The following MANBAL variants were observed in gnomAD, a reference collection of about 807,000 sequenced individuals.
The protein encoded by MANBAL is mannosidase beta like, also known as protein MANBAL.
In MANBAL, 1 loss-of-function variant was observed where a neutral mutation model predicts 6.4. The observed-to-expected ratio is 0.16, with a 90% CI of 0.06 to 0.74. The LOEUF (loss-of-function observed/expected upper bound fraction) is 0.74. MANBAL is among the 30% of genes least tolerant of loss of function. The pLI, the probability that MANBAL is intolerant of heterozygous loss-of-function variation, is 0.78. For synonymous variants in MANBAL, 47 were observed against 45.8 expected, an observed-to-expected ratio of 1.03 and a Z score of -0.10; for missense variants, 100 against 107.8, an observed-to-expected ratio of 0.93 and a Z score of 0.32.
intron 1 of MANBAL, among the ~76,000 whole-genome samples, chr20:37,292,243 A>G (rs2068888018): frequency 6.6e-6 from 1 of 152,090 alleles, no homozygotes; most frequent in Non-Finnish European, 1.5e-5. Flanking sequence ...TCTGTGGGAA[A>G]TTTGTCTGTT....
intron 2 of MANBAL, among the ~76,000 whole-genome samples, chr20:37,315,085 C>T (rs1005535886): frequency 2.6e-5 from 4 of 152,124 alleles, no homozygotes; most frequent in Admixed American, 1.3e-4. Context: ...GTGCTGGGGG[C>T]GGCAGGGTGT....
At chr20:37,300,027 C>T (rs1373970464) in intron 1 of MANBAL, among the ~76,000 whole-genome samples, 1 of 152,208 alleles carries the variant, frequency 6.6e-6, no homozygotes, top group East Asian at 1.9e-4. Flanking sequence ...TCTTGTCTGG[C>T]TTATTGGCAG....
chr20:37,304,641 C>T (rs1177835257), intron 2 of MANBAL, among the ~76,000 whole-genome samples: 2 of 152,100 alleles, frequency 1.3e-5, no homozygotes, highest in African/African-American at 4.8e-5. Context: ...ATCACTGTTC[C>T]TGGAGATGCT....
At chr20:37,303,020 C>G (rs569044565) in intron 2 of MANBAL, among the ~76,000 whole-genome samples, 1 of 152,300 alleles carries the variant, frequency 6.6e-6, no homozygotes, top group Non-Finnish European at 1.5e-5. Flanking sequence ...TCAAGCAATT[C>G]TCCTGCTTCA....
intron 2 of MANBAL, among the ~76,000 whole-genome samples, chr20:37,308,549 T>A (rs765319759): frequency 2.6e-5 from 4 of 152,108 alleles, no homozygotes; most frequent in Non-Finnish European, 4.4e-5. Flanking sequence ...TGGGATAGGT[T>A]TGAGGGGTCT....
intron 2 of MANBAL, among the ~76,000 whole-genome samples, chr20:37,308,500 A>G (rs1364259759): frequency 6.6e-6 from 1 of 152,168 alleles, no homozygotes; most frequent in Non-Finnish European, 1.5e-5. Context: ...AGTAGAAGAA[A>G]GTTCTCAATA....
At chr20:37,316,236 A>G (rs1265011122) in intron 2 of MANBAL, 72 bp from the exon 3 acceptor site, 1 of 1,386,208 alleles carries the variant, frequency 7.2e-7, no homozygotes, top group Non-Finnish European at 1.0e-6. Context: ...CTTTGCTTTC[A>G]GATGTGATCT....
intron 1 of MANBAL, among the ~76,000 whole-genome samples, chr20:37,299,124 A>G (rs547635927): frequency 5.9e-5 from 9 of 152,088 alleles, no homozygotes; most frequent in Non-Finnish European, 1.0e-4. Flanking sequence ...TCTGTCACCC[A>G]GGCTGGAGTG....
chr20:37,292,674 G>A (rs2068899515), intron 1 of MANBAL, among the ~76,000 whole-genome samples: 1 of 152,178 alleles, frequency 6.6e-6, no homozygotes, highest in South Asian at 2.1e-4. Flanking sequence ...TTATTTTGTT[G>A]CTGAAATTGT....
chr20:37,310,528 A>G (rs1405405134), intron 2 of MANBAL, among the ~76,000 whole-genome samples: 2 of 152,222 alleles, frequency 1.3e-5, no homozygotes, highest in African/African-American at 4.8e-5. Context: ...CCTGCGTAGA[A>G]TGACATTTTG....
intron 2 of MANBAL, among the ~76,000 whole-genome samples, chr20:37,304,667 A>T (rs1173286004): frequency 6.6e-6 from 1 of 152,070 alleles, no homozygotes; most frequent in Non-Finnish European, 1.5e-5. Flanking sequence ...TGTAGCTGGG[A>T]GGATGATGGG....
intron 2 of MANBAL, among the ~76,000 whole-genome samples, chr20:37,311,572 C>G (rs1437546785): frequency 6.6e-6 from 1 of 152,144 alleles, no homozygotes; most frequent in Non-Finnish European, 1.5e-5. Context: ...ACGGCAGCCC[C>G]CACCTCCTGG....
At chr20:37,298,844 C>G (rs1357940685) in intron 1 of MANBAL, 1 of 151,926 alleles carries the variant, frequency 6.6e-6, no homozygotes, top group Non-Finnish European at 1.5e-5. Flanking sequence ...TGGAGCAATT[C>G]TCCTGCCTCA....
intron 1 of MANBAL, among the ~76,000 whole-genome samples, chr20:37,299,055 G>A (rs942590076): frequency 7.1e-6 from 1 of 141,804 alleles, no homozygotes; most frequent in Admixed American, 7.0e-5. Flanking sequence ...TATTTTTTAC[G>A]TGTATTTTTT....
intron 1 of MANBAL, among the ~76,000 whole-genome samples, chr20:37,300,516 A>G (rs890321253): frequency 7.2e-5 from 11 of 152,244 alleles, no homozygotes; most frequent in African/African-American, 2.7e-4. Context: ...AGAGGCTCCA[A>G]GAAAGCAGGG....
intron 2 of MANBAL, among the ~76,000 whole-genome samples, chr20:37,308,380 G>A (rs1190688033): frequency 6.6e-6 from 1 of 152,174 alleles, no homozygotes; most frequent in Admixed American, 6.5e-5. Context: ...TCCACCGAGT[G>A]GTTCATGGAG....
chr20:37,302,419 T>C lies in MANBAL; in HGVS notation c.150+1006T>C, dbSNP rs190448723. On this transcript the variant is annotated intron_variant, in intron 2 of 2. Transcript: ENST00000373606. ...TGCTGCACATTTAGAGATTCTTGGA[T>C]TGATCGGTGGGTTTAGGTGGTATCA... The C allele has an allele frequency of 8.2e-5, 122 of 1,482,418 alleles. 2 individuals are homozygous for C. In the Admixed American group the frequency reaches 1.9e-3, roughly 23 times the overall value. The allele number at this position is 1,482,418 out of a possible 1,614,324, so 91.8% of individuals were successfully genotyped here. A position where few individuals can be genotyped will look rare whatever the true frequency, so the allele number is the denominator to read the frequency against.
intron 2 of MANBAL, among the ~76,000 whole-genome samples, chr20:37,309,542 G>A (rs977537578): frequency 1.1e-4 from 17 of 152,212 alleles, no homozygotes; most frequent in African/African-American, 4.1e-4. Flanking sequence ...GACTCGCCAC[G>A]GGCGATGGTG....
intron 2 of MANBAL, among the ~76,000 whole-genome samples, chr20:37,312,131 C>G (rs890661313): frequency 3.9e-5 from 6 of 152,138 alleles, no homozygotes; most frequent in Non-Finnish European, 7.4e-5. Context: ...GGAGACAGAT[C>G]AAGCATTCAG....
Sources: gnomAD v4.1 joint callset for allele counts (sites outside exome capture counted in the v4.1 genomes callset) on GRCh38, gnomAD v4.1.1 for gene constraint, MANE v1.5 for transcripts, NCBI Gene and HGNC (gene_info 2026-07-23, HGNC 2026-07-21) for gene names.